Variants in SNTG2 observed in about 807,000 individuals in gnomAD.
SNTG2 encodes the protein syntrophin gamma 2, also known as gamma-2-syntrophin.
A neutral mutation model predicts 70.9 loss-of-function variants in SNTG2; 74 were observed. That is an observed-to-expected ratio of 1.04 (90% CI 0.86 to 1.27). The LOEUF is 1.27. Among genes scored for constraint, SNTG2 ranks in the 50% most tolerant of loss-of-function variants. The pLI, the probability that SNTG2 is intolerant of heterozygous loss-of-function variation, is 0.00. For synonymous variants in SNTG2, 278 were observed against 273.8 expected, an observed-to-expected ratio of 1.02 and a Z score of -0.15; for missense variants, 717 against 690.7, an observed-to-expected ratio of 1.04 and a Z score of -0.43.
chr2:1,042,233 T>A (rs1219636018), intron 1 of SNTG2, among the ~76,000 whole-genome samples: 3 of 152,248 alleles, frequency 2.0e-5, no homozygotes, highest in Non-Finnish European at 4.4e-5. Flanking sequence ...TTTGTCAAGT[T>A]TCAAACTAAT....
At chr2:1,223,333 G>A (rs1001203724) in intron 9 of SNTG2, among the ~76,000 whole-genome samples, 11 of 151,110 alleles carry the variant, frequency 7.3e-5, no homozygotes, top group African/African-American at 2.4e-4. Context: ...GGAAGGCGGC[G>A]CAGTGATGGA....
intron 8 of SNTG2, among the ~76,000 whole-genome samples, chr2:1,192,720 G>T (rs566647538): frequency 1.3e-5 from 2 of 151,906 alleles, no homozygotes; most frequent in Non-Finnish European, 2.9e-5. Context: ...GTGACTTCTC[G>T]GACTCATCTG....
chr2:1,165,666 C>G (rs759652549), intron 7 of SNTG2, 31 bp downstream of exon 7: 1 of 1,558,482 alleles, frequency 6.4e-7, no homozygotes, highest in Admixed American at 1.8e-5. Flanking sequence ...TGCCAGGGTG[C>G]TGGAGAAATT....
At chr2:1,313,470 G>A (rs12477102) in intron 15 of SNTG2, among the ~76,000 whole-genome samples, 15,816 of 152,226 alleles carry the variant, frequency 0.1, 944 homozygotes, top group South Asian at 0.19. Flanking sequence ...GCCACATTCC[G>A]ACCTAGAATG....
intron 1 of SNTG2, among the ~76,000 whole-genome samples, chr2:952,055 A>G (rs912023210): frequency 2.0e-5 from 3 of 152,208 alleles, no homozygotes; most frequent in East Asian, 1.9e-4. Flanking sequence ...AAAGATTTCT[A>G]TGTAGAGACA....
At position 1,236,509 on chromosome 2, in the gene SNTG2, C is replaced by G. The variant is rs28605197; in HGVS notation, c.720-1379C>G. Among the ~76,000 whole-genome samples, 661 of 152,358 alleles carry G rather than the reference C, an allele frequency of 4.3e-3. 2 individuals are homozygous for G. Among genetic ancestry groups the G allele is most frequent in the African/African-American group, 0.015 (623 of 41,594 alleles). On this transcript the variant is annotated intron_variant, in intron 9 of 16. Transcript: ENST00000308624. ...CTCCGGCTCCACACAGTCACCTCCA[C>G]CTTCACCTCTGTCCTCCTGCCAAGT...
intron 14 of SNTG2, 63 bp downstream of exon 14, chr2:1,267,634 G>A (rs1678817252): frequency 7.1e-7 from 1 of 1,407,170 alleles, no homozygotes; most frequent in Non-Finnish European, 1.0e-6. Context: ...CATAGCATTG[G>A]GGAATATGTA....
intron 1 of SNTG2, among the ~76,000 whole-genome samples, chr2:1,068,789 T>A (rs1558361838): frequency 6.6e-6 from 1 of 152,208 alleles, no homozygotes; most frequent in East Asian, 1.9e-4. Context: ...AAGATAGCAA[T>A]AATCAATCTT....
chr2:965,569 T>C (rs1397262527), intron 1 of SNTG2, among the ~76,000 whole-genome samples: 2 of 149,732 alleles, frequency 1.3e-5, no homozygotes, highest in Non-Finnish European at 3.0e-5. Flanking sequence ...TCTTCTGTGG[T>C]CCCCTCCTCC....
chr2:1,282,818 T>C (rs1351829282), intron 14 of SNTG2, among the ~76,000 whole-genome samples: 1 of 150,970 alleles, frequency 6.6e-6, no homozygotes, highest in Non-Finnish European at 1.5e-5. Context: ...CTTTGACTGA[T>C]ACGATAAGTA....
intron 14 of SNTG2, among the ~76,000 whole-genome samples, chr2:1,276,341 T>C (rs1408504242): frequency 6.6e-6 from 1 of 152,262 alleles, no homozygotes; most frequent in Non-Finnish European, 1.5e-5. Flanking sequence ...GACTCTCTTA[T>C]TAGGGTCCAA....
At chr2:1,255,918 A>T (rs1678081101) in intron 12 of SNTG2, among the ~76,000 whole-genome samples, 1 of 71,244 alleles carries the variant, frequency 1.4e-5, no homozygotes, top group Admixed American at 1.5e-4. Context: ...ATATATATAT[A>T]AATATATAAA....
At chr2:994,384 A>G (rs1293555547) in intron 1 of SNTG2, among the ~76,000 whole-genome samples, 1 of 152,000 alleles carries the variant, frequency 6.6e-6, no homozygotes, top group Non-Finnish European at 1.5e-5. Flanking sequence ...TTATAAAGCT[A>G]TGTTAATATT....
chr2:1,133,991 C>T (rs1313873088), intron 4 of SNTG2, among the ~76,000 whole-genome samples: 4 of 151,966 alleles, frequency 2.6e-5, no homozygotes, highest in African/African-American at 9.7e-5. Flanking sequence ...AGAGTTTCTT[C>T]CTTCTGGTGG....
At chr2:1,052,861 T>TA in intron 1 of SNTG2, among the ~76,000 whole-genome samples, 1 of 152,340 alleles carries the variant, frequency 6.6e-6, no homozygotes, top group Non-Finnish European at 1.5e-5. Flanking sequence ...AGCTGTAAGT[T>TA]ATTCAGTTGC....
At chr2:1,082,359 C>T (rs1279801360) in intron 1 of SNTG2, among the ~76,000 whole-genome samples, 1 of 152,186 alleles carries the variant, frequency 6.6e-6, no homozygotes, top group African/African-American at 2.4e-5. Context: ...CTGGGGCAGA[C>T]GCAGGCGCTG....
intron 1 of SNTG2, chr2:1,059,213 G>T (rs1335830237): frequency 1.3e-5 from 2 of 152,182 alleles, no homozygotes; most frequent in Non-Finnish European, 2.9e-5. Flanking sequence ...TGGACTCCTG[G>T]CACCTTCTGC....
At chr2:1,254,809 C>G (rs778159146) in intron 12 of SNTG2, among the ~76,000 whole-genome samples, 2 of 152,186 alleles carry the variant, frequency 1.3e-5, no homozygotes, top group Non-Finnish European at 2.9e-5. Context: ...TGTCTACCAT[C>G]CGTTACGTCT....
intron 6 of SNTG2, among the ~76,000 whole-genome samples, chr2:1,155,014 T>C (rs111301592): frequency 4.2e-5 from 1 of 23,744 alleles, no homozygotes; most frequent in East Asian, 4.3e-4. Context: ...AAACAACACA[T>C]AGTCATACAC....
Sources: allele counts gnomAD v4.1 joint callset (sites outside exome capture counted in the v4.1 genomes callset), GRCh38; gene constraint gnomAD v4.1.1; transcripts MANE v1.5; gene names NCBI Gene and HGNC (gene_info 2026-07-23, HGNC 2026-07-21).